NALF1: variants seen among roughly 807,000 people sequenced by gnomAD.
NALF1 encodes the protein NALCN channel auxiliary factor 1, also known as family with sequence similarity 155 member A.
A neutral mutation model predicts 48.4 loss-of-function variants in NALF1; 3 were observed. The ratio of observed to expected loss-of-function variants is 0.06; its 90% CI spans 0.03 to 0.16. NALF1 has a LOEUF of 0.16. Among genes scored for constraint, NALF1 ranks in the 10% least tolerant of loss-of-function variants. The pLI is 1.00. For synonymous variants in NALF1, 262 were observed against 245.7 expected (o/e 1.07, Z -0.62); for missense variants, 526 against 571.5 (o/e 0.92, Z 0.81).
intron 1 of NALF1, among the ~76,000 whole-genome samples, chr13:107,506,674 A>G (rs906137053): frequency 6.6e-6 from 1 of 152,136 alleles, no homozygotes; most frequent in African/African-American, 2.4e-5. Flanking sequence ...ATTTTACATA[A>G]TATTTTCAAG....
intron 1 of NALF1, among the ~76,000 whole-genome samples, chr13:107,459,144 T>C (rs577641714): frequency 3.7e-4 from 56 of 152,202 alleles, no homozygotes; most frequent in Admixed American, 6.5e-4. Context: ...AAGAAAGTAT[T>C]TGAAAATATA....
intron 2 of NALF1, among the ~76,000 whole-genome samples, chr13:107,189,480 T>C (rs747286277): frequency 6.6e-6 from 1 of 152,154 alleles, no homozygotes; most frequent in Non-Finnish European, 1.5e-5. Flanking sequence ...TTGGACTTTA[T>C]AGGATGGGGT....
At chr13:107,765,870 T>C (rs186986146) in intron 1 of NALF1, among the ~76,000 whole-genome samples, 2 of 152,338 alleles carry the variant, frequency 1.3e-5, no homozygotes, top group East Asian at 3.9e-4. Context: ...ATTAAACTTT[T>C]ATAAATATTT....
chr13:107,326,853 T>A (rs1187500189), intron 1 of NALF1, among the ~76,000 whole-genome samples: 4 of 151,018 alleles, frequency 2.6e-5, no homozygotes, highest in Non-Finnish European at 5.9e-5. Context: ...AGCCAGATCC[T>A]GGTCTCCACT....
chr13:107,343,915 G>GT (rs892101539), intron 1 of NALF1, among the ~76,000 whole-genome samples: 12 of 151,156 alleles, frequency 7.9e-5, no homozygotes, highest in East Asian at 1.9e-4. Context: ...TAAACACAGA[G>GT]TTTTTTTTTG....
At chr13:107,340,516 T>G (rs1046691822) in intron 1 of NALF1, among the ~76,000 whole-genome samples, 1 of 135,872 alleles carries the variant, frequency 7.4e-6, no homozygotes, top group Middle Eastern at 3.7e-3. Context: ...TTTTCTTTCT[T>G]TCTCTCTCTT....
At chr13:107,457,679 GAAGACA>G (rs1215365098) in intron 1 of NALF1, among the ~76,000 whole-genome samples, 1 of 143,802 alleles carries the variant, frequency 7.0e-6, no homozygotes, top group Non-Finnish European at 1.5e-5. Flanking sequence ...ATGGCCAATT[GAAGACA>G]AACACATGGA....
chr13:107,494,467 CGAGTA>C (rs1421220220), intron 1 of NALF1, among the ~76,000 whole-genome samples: 1 of 152,108 alleles, frequency 6.6e-6, no homozygotes, highest in African/African-American at 2.4e-5. Flanking sequence ...CTTTTCATCT[CGAGTA>C]GATATGGCAT....
chr13:107,387,397 C>A (rs943102920), intron 1 of NALF1, among the ~76,000 whole-genome samples: 2 of 152,170 alleles, frequency 1.3e-5, no homozygotes, highest in East Asian at 1.9e-4. Flanking sequence ...AAAGCCGAAG[C>A]CTCCCAAATA....
intron 2 of NALF1, among the ~76,000 whole-genome samples, chr13:107,189,455 T>C (rs1200043263): frequency 6.6e-6 from 1 of 152,100 alleles, no homozygotes; most frequent in East Asian, 1.9e-4. Context: ...CCTTAGAGGG[T>C]TGTCTTAGTG....
At chr13:107,768,258 G>T (rs755719130) in intron 1 of NALF1, among the ~76,000 whole-genome samples, 5 of 152,168 alleles carry the variant, frequency 3.3e-5, no homozygotes, top group African/African-American at 1.2e-4. Flanking sequence ...TAAATGGATA[G>T]TAATTTGTTT....
intron 1 of NALF1, among the ~76,000 whole-genome samples, chr13:107,579,672 C>T: frequency 2.3e-4 from 1 of 4,302 alleles, no homozygotes; most frequent in Non-Finnish European, 5.1e-4. Context: ...TAGCTGATTT[C>T]ATATTTTTTT....
intron 1 of NALF1, among the ~76,000 whole-genome samples, chr13:107,545,916 C>A: frequency 6.6e-6 from 1 of 152,192 alleles, no homozygotes; most frequent in East Asian, 1.9e-4. Flanking sequence ...TCTGTACAGA[C>A]TTCTTCCTCA....
intron 1 of NALF1, among the ~76,000 whole-genome samples, chr13:107,722,124 G>C (rs1876005059): frequency 6.6e-6 from 1 of 152,144 alleles, no homozygotes; most frequent in African/African-American, 2.4e-5. Context: ...AGAAAGGGGA[G>C]CAGGTTAAAA....
intron 1 of NALF1, among the ~76,000 whole-genome samples, chr13:107,236,592 A>ATTT (rs1880346970): frequency 1.3e-5 from 2 of 152,218 alleles, no homozygotes; most frequent in Non-Finnish European, 2.9e-5. Flanking sequence ...TTAGTATCAA[A>ATTT]TCCATGGAAT....
chr13:107,551,428 A>G (rs560733690), intron 1 of NALF1, among the ~76,000 whole-genome samples: 8 of 152,272 alleles, frequency 5.3e-5, no homozygotes, highest in African/African-American at 1.9e-4. Flanking sequence ...CTACCTCTTC[A>G]CTGCTCCTTA....
In NALF1 at chr13:107,817,746, T is replaced by C. The variant is rs1006412172; in HGVS notation, c.915+47936A>G. 9.8e-5 allele frequency among the ~76,000 whole-genome samples: 15 copies of C among 152,304 alleles called. No homozygotes were observed. The South Asian group carries it at 1.7e-3, about 17-fold the overall frequency. On this transcript the variant is annotated intron_variant, in intron 1 of 2. Transcript: ENST00000375915. ...CCCTTTTCACTCCAGGGTGCTTCCA[T>C]GGTACGCTGCACTTCCCCACATCAC...
chr13:107,269,398 T>C (rs1881109180), intron 1 of NALF1, among the ~76,000 whole-genome samples: 1 of 152,118 alleles, frequency 6.6e-6, no homozygotes, highest in Non-Finnish European at 1.5e-5. Context: ...AAATGTTATT[T>C]ACTATAACCA....
chr13:107,753,928 G>C (rs915146967), intron 1 of NALF1, among the ~76,000 whole-genome samples: 1 of 152,068 alleles, frequency 6.6e-6, no homozygotes, highest in Admixed American at 6.6e-5. Context: ...ATGGACAAAC[G>C]GCAGAGACTG....
Sources: allele counts gnomAD v4.1 joint callset (sites outside exome capture counted in the v4.1 genomes callset), GRCh38; gene constraint gnomAD v4.1.1; transcripts MANE v1.5; gene names NCBI Gene and HGNC (gene_info 2026-07-23, HGNC 2026-07-21).